The following C8A variants were observed in gnomAD, a reference collection of about 807,000 sequenced individuals.
The protein encoded by C8A is complement component C8 alpha chain.
C8A carries 67 observed loss-of-function variants against 65.3 expected under a neutral mutation model. The observed-to-expected ratio is 1.03, with a 90% CI of 0.84 to 1.26. C8A has a LOEUF of 1.26. C8A is among the 50% of genes most tolerant of loss of function. The pLI, the probability that C8A is intolerant of heterozygous loss-of-function variation, is 0.00. For missense variants in C8A, 781 were observed against 723.9 expected (o/e 1.08, Z -0.90); for synonymous variants, 290 against 259.4 (o/e 1.12, Z -1.13).
At chr1:56,860,895 A>C (rs1038563904) in intron 1 of C8A, among the ~76,000 whole-genome samples, 1 of 152,212 alleles carries the variant, frequency 6.6e-6, no homozygotes, top group African/African-American at 2.4e-5. Context: ...GAAGAGAGTG[A>C]GGAGGAATTG....
chr1:56,867,746 T>C (rs1376972822), intron 2 of C8A, 44 bp downstream of exon 2: 1 of 1,378,618 alleles, frequency 7.3e-7, no homozygotes, highest in South Asian at 1.2e-5. Context: ...ATATTTGATA[T>C]GTGTATTAGG....
Position 56,907,947 on chromosome 1 carries a change from T to C in C8A, c.1223-9T>C, listed in dbSNP as rs1471956058. ...AATGAGTTAATGCAGTTTATCCTCTTGATGGCAGAAAGGGCCAGGAAGGCC... is the reference window on the plus strand; with the variant it reads ...AATGAGTTAATGCAGTTTATCCTCTCGATGGCAGAAAGGGCCAGGAAGGCC... On this transcript the variant is annotated splice_polypyrimidine_tract_variant and intron_variant, in intron 8 of 10. Coordinates refer to ENST00000361249, the MANE Select transcript of C8A (RefSeq NM_000562.3). The C allele has an allele frequency of 1.2e-6, 2 of 1,614,018 alleles. No individual in the cohort carries two copies. Among genetic ancestry groups the C allele is most frequent in the African/African-American group, 2.7e-5 (2 of 74,922 alleles).
chr1:56,891,646 A>G (rs1644346416), intron 7 of C8A, among the ~76,000 whole-genome samples: 1 of 152,028 alleles, frequency 6.6e-6, no homozygotes, highest in African/African-American at 2.4e-5. Flanking sequence ...TTATAGATAG[A>G]CTGGGTGTGG....
At chr1:56,906,261 G>C (rs1644463107) in intron 7 of C8A, among the ~76,000 whole-genome samples, 1 of 152,160 alleles carries the variant, frequency 6.6e-6, no homozygotes, top group Non-Finnish European at 1.5e-5. Context: ...AAAGATGATG[G>C]AAAGGGAGGA....
intron 1 of C8A, among the ~76,000 whole-genome samples, chr1:56,856,486 A>G (rs1385210691): frequency 6.6e-6 from 1 of 152,130 alleles, no homozygotes; most frequent in Non-Finnish European, 1.5e-5. Flanking sequence ...ATGGTTGACA[A>G]TAATCAGACA....
chr1:56,917,069 C>T (rs1276996235), intron 10 of C8A, among the ~76,000 whole-genome samples: 1 of 152,216 alleles, frequency 6.6e-6, no homozygotes, highest in Admixed American at 6.5e-5. Flanking sequence ...CAAGGGAGCA[C>T]ACCTCCTGCC....
intron 1 of C8A, among the ~76,000 whole-genome samples, chr1:56,855,579 A>T (rs997392020): frequency 2.0e-5 from 3 of 151,290 alleles, no homozygotes; most frequent in African/African-American, 7.3e-5. Context: ...GTAGTTTCAT[A>T]TGTACATTGT....
chr1:56,888,389 G>C lies in C8A; in HGVS notation c.1096+2222G>C, dbSNP rs1644318023. ...GAGTATACATTATGTGTTTGTGCTA[G>C]GGATATGATGGTGAACAAATCTAAA... On this transcript the variant is annotated intron_variant, in intron 7 of 10. Coordinates refer to ENST00000361249, the MANE Select transcript of C8A (RefSeq NM_000562.3). Among the ~76,000 whole-genome samples the C allele has an allele frequency of 3.3e-5, 5 of 152,210 alleles. No homozygotes were observed. In the South Asian group the frequency reaches 1.0e-3, roughly 32 times the overall value.
rs1644568347 is a variant in C8A, at chr1:56,918,093, A to T, written c.*377A>T. The T allele has an allele frequency of 5.3e-6, 1 of 189,410 alleles. No homozygotes were observed. The highest frequency in any genetic ancestry group is 2.4e-5 in the African/African-American group (1 of 42,238). The allele number at this position is 189,410 out of a possible 1,614,324, so 11.7% of individuals were successfully genotyped here. On this transcript the variant is annotated 3_prime_UTR_variant, in exon 11 of 11. Coordinates refer to ENST00000361249, the MANE Select transcript of C8A (RefSeq NM_000562.3). ...GAAACAATCAACGCCCAATAAAACA[A>T]AGTAGGATGAAAATTCTCTTAGTTC...
At chr1:56,858,573 T>C (rs1474273914) in intron 1 of C8A, among the ~76,000 whole-genome samples, 2 of 152,242 alleles carry the variant, frequency 1.3e-5, no homozygotes, top group Non-Finnish European at 2.9e-5. Flanking sequence ...AATCATGATG[T>C]CCCTTTTTAT....
Position 56,883,722 on chromosome 1 carries a change from T to A in C8A, c.855+41T>A. On this transcript the variant is annotated intron_variant, in intron 6 of 10. Coordinates refer to ENST00000361249, the MANE Select transcript of C8A (RefSeq NM_000562.3). Reference sequence around the variant, plus strand: ...GTCTGTGTCTCACAGTATTCCATAATATACACTGAACACGTATTACCTTAA... The same window carrying A: ...GTCTGTGTCTCACAGTATTCCATAAAATACACTGAACACGTATTACCTTAA... The A allele has an allele frequency of 2.6e-6, 4 of 1,522,782 alleles. No individual in the cohort carries two copies. In the East Asian group the frequency reaches 9.0e-5, roughly 34 times the overall value. 94.3% of individuals were successfully genotyped at this position (1,522,782 alleles called of 1,614,324 possible). A position where few individuals can be genotyped will look rare whatever the true frequency, so the allele number is the denominator to read the frequency against.
chr1:56,892,614 C>T (rs956809203), intron 7 of C8A, among the ~76,000 whole-genome samples: 1 of 151,976 alleles, frequency 6.6e-6, no homozygotes, highest in Non-Finnish European at 1.5e-5. Context: ...TACTGATGAC[C>T]ATTCTATGCT....
At chr1:56,903,541 C>G (rs1360149) in intron 7 of C8A, among the ~76,000 whole-genome samples, 69,243 of 152,102 alleles carry the variant, frequency 0.46, 16,363 homozygotes, top group African/African-American at 0.57. Flanking sequence ...ATCCACCCAG[C>G]CTTTTGAGAC....
chr1:56,883,598 G>C lies in C8A; in HGVS notation c.772G>C (p.Gly258Arg). ...FGVTIGIGPA[G>R]SPLLVGVGVS... ...AGTGACCATCGGCATAGGCCCAGCC[G>C]GCAGCCCTTTATTGGTGGGTGTAGG... The change falls in exon 6 of 11, where the codon GGC becomes CGC. Residue 258 changes from glycine (G) to arginine (R), a missense_variant. Transcript: ENST00000361249. The C allele has an allele frequency of 6.2e-7, 1 of 1,613,850 alleles. No individual in the cohort carries two copies. The highest frequency in any genetic ancestry group is 8.5e-7 in the Non-Finnish European group (1 of 1,179,898).
intron 7 of C8A, among the ~76,000 whole-genome samples, chr1:56,891,003 T>G (rs1022911585): frequency 6.6e-6 from 1 of 152,332 alleles, no homozygotes; most frequent in Non-Finnish European, 1.5e-5. Context: ...TAGTAGGGAC[T>G]TAATAACTTG....
intron 10 of C8A, among the ~76,000 whole-genome samples, chr1:56,913,533 A>T (rs1341463846): frequency 1.3e-5 from 2 of 152,218 alleles, no homozygotes; most frequent in Non-Finnish European, 2.9e-5. Context: ...TACTTTACTA[A>T]GTCACTGTGA....
chr1:56,908,157 T>C (rs1644482034), intron 9 of C8A, 44 bp downstream of exon 9: 1 of 1,589,888 alleles, frequency 6.3e-7, no homozygotes, highest in Non-Finnish European at 8.6e-7. Context: ...CCATGAGGAA[T>C]GAAAGTGAAG....
intron 1 of C8A, among the ~76,000 whole-genome samples, chr1:56,866,150 A>T (rs1644086278): frequency 6.6e-6 from 1 of 152,220 alleles, no homozygotes. Flanking sequence ...TAACCATGTG[A>T]GGCTGACTTT....
chr1:56,898,652 T>C (rs1003723731), intron 7 of C8A, among the ~76,000 whole-genome samples: 1 of 152,176 alleles, frequency 6.6e-6, no homozygotes, highest in Non-Finnish European at 1.5e-5. Context: ...TTCAGTGTAC[T>C]CAGGACTTAG....
Sources: allele counts gnomAD v4.1 joint callset (sites outside exome capture counted in the v4.1 genomes callset), GRCh38; gene constraint gnomAD v4.1.1; transcripts MANE v1.5; gene names NCBI Gene and HGNC (gene_info 2026-07-23, HGNC 2026-07-21).